THSD7A: variants seen among roughly 807,000 people sequenced by gnomAD.
THSD7A encodes thrombospondin type-1 domain-containing protein 7A.
A neutral mutation model predicts 231.3 loss-of-function variants in THSD7A; 96 were observed. The ratio of observed to expected loss-of-function variants is 0.41; its 90% confidence interval spans 0.35 to 0.49. The LOEUF (loss-of-function observed/expected upper bound fraction) is 0.49, where lower values mean the gene tolerates loss of function less well. Ranked by LOEUF, THSD7A falls within the 20% of genes least tolerant of loss-of-function variation. The pLI is 0.05. For missense variants in THSD7A, 2,290 were observed against 2,070.2 expected, an observed-to-expected ratio of 1.11 and a Z score of -2.06; for synonymous variants, 940 against 743.3, an observed-to-expected ratio of 1.26 and a Z score of -4.30.
At chr7:11,650,804 ATTTGTTTTGT>A (rs57303048) in intron 1 of THSD7A, among the ~76,000 whole-genome samples, 70 of 151,308 alleles carry the variant, frequency 4.6e-4, no homozygotes, top group Admixed American at 1.3e-3. Flanking sequence ...TGGTAGATGT[ATTTGTTTTGT>A]TTTGTTTTGT....
chr7:11,817,564 G>T (rs536495403), intron 1 of THSD7A, among the ~76,000 whole-genome samples: 5 of 152,098 alleles, frequency 3.3e-5, no homozygotes, highest in Admixed American at 6.5e-5. Context: ...AGGAATCAAA[G>T]TAAAAAAGGA....
rs553778950 is a variant in THSD7A, at chr7:11,374,405, T to C, written c.*1389A>G. 1.2e-4 allele frequency: 18 copies of C among 152,124 alleles called. 1 individual carries two copies. The highest frequency in any genetic ancestry group is 3.9e-4 in the African/African-American group (16 of 41,528). The allele number at this position is 152,124 out of a possible 1,614,324, so 9.4% of individuals were successfully genotyped here. On this transcript the variant is annotated 3_prime_UTR_variant, in exon 28 of 28. Coordinates refer to ENST00000423059, the MANE Select transcript of THSD7A (RefSeq NM_015204.3). Reference sequence around the variant, plus strand: ...AAAATTTTAGTTTTGAAATCATACATTGAAGAGAGAGATTGCTTCAAATTT... The same window carrying C: ...AAAATTTTAGTTTTGAAATCATACACTGAAGAGAGAGATTGCTTCAAATTT...
intron 1 of THSD7A, chr7:11,821,103 GT>G: frequency 7.6e-6 from 8 of 1,051,126 alleles, no homozygotes; most frequent in Admixed American, 1.8e-5. Context: ...CCTGTAACTT[GT>G]TTTTGGCTGC....
At chr7:11,490,812 G>A (rs73068794) in intron 6 of THSD7A, among the ~76,000 whole-genome samples, 25,025 of 151,978 alleles carry the variant, frequency 0.16, 2,195 homozygotes, top group African/African-American at 0.2. Context: ...GTGCCCTTGA[G>A]CAGATAATTT....
intron 2 of THSD7A, among the ~76,000 whole-genome samples, chr7:11,631,322 T>C (rs1781647251): frequency 6.6e-6 from 1 of 152,168 alleles, no homozygotes. Context: ...ATTTCCTTGA[T>C]TGGGGTTACT....
At chr7:11,736,287 A>G (rs1045028991) in intron 1 of THSD7A, among the ~76,000 whole-genome samples, 7 of 152,000 alleles carry the variant, frequency 4.6e-5, no homozygotes, top group African/African-American at 1.4e-4. Context: ...AATATTTTCT[A>G]TTTAGTAATA....
chr7:11,456,550 G>A (rs1785314107), intron 11 of THSD7A, among the ~76,000 whole-genome samples: 1 of 151,936 alleles, frequency 6.6e-6, no homozygotes, highest in African/African-American at 2.4e-5. Flanking sequence ...ATCCTATTGG[G>A]TAATGACTAT....
rs534469914 is a variant in THSD7A at position 11,789,370 on chromosome 7, A to G, written c.190+42387T>C. 1.2e-4 allele frequency among the ~76,000 whole-genome samples: 19 copies of G among 152,184 alleles called. No individual in the cohort carries two copies. In the East Asian group the frequency reaches 3.7e-3, roughly 29 times the overall value. ...ATATTTTAAGAAAGGGCGTGGCATG[A>G]TCATACTGACTGCTGTGCAGAGGGC... On this transcript the variant is annotated intron_variant, in intron 1 of 27. Transcript: ENST00000423059.
At chr7:11,518,328 G>T (rs10486139) in intron 6 of THSD7A, among the ~76,000 whole-genome samples, 1 of 152,098 alleles carries the variant, frequency 6.6e-6, no homozygotes, top group South Asian at 2.1e-4. Flanking sequence ...ACTAGGAAGC[G>T]TGAGAGACTG....
intron 4 of THSD7A, among the ~76,000 whole-genome samples, chr7:11,589,201 T>G (rs1190706676): frequency 6.6e-6 from 1 of 152,218 alleles, no homozygotes; most frequent in Non-Finnish European, 1.5e-5. Context: ...CCTTTATCCT[T>G]GTTCTTTTTC....
intron 1 of THSD7A, among the ~76,000 whole-genome samples, chr7:11,661,242 T>C (rs1782918319): frequency 6.6e-6 from 1 of 151,438 alleles, no homozygotes; most frequent in African/African-American, 2.4e-5. Flanking sequence ...GTGATCTCTC[T>C]CTAACCTAGC....
intron 6 of THSD7A, among the ~76,000 whole-genome samples, chr7:11,508,021 A>G (rs1787627938): frequency 6.6e-6 from 1 of 152,212 alleles, no homozygotes; most frequent in Non-Finnish European, 1.5e-5. Context: ...CATGTGTTAC[A>G]TGGTGGCAGG....
chr7:11,827,535 T>C (rs1785068356), intron 1 of THSD7A, among the ~76,000 whole-genome samples: 2 of 152,206 alleles, frequency 1.3e-5, no homozygotes, highest in South Asian at 4.1e-4. Flanking sequence ...GTACCTTTTC[T>C]GGCCATACTT....
At chr7:11,540,440 A>G (rs1177349174) in intron 6 of THSD7A, among the ~76,000 whole-genome samples, 1 of 152,218 alleles carries the variant, frequency 6.6e-6, no homozygotes, top group South Asian at 2.1e-4. Context: ...GGATGGAAAG[A>G]ATTATGACGG....
At chr7:11,682,094 A>T (rs1453165822) in intron 1 of THSD7A, among the ~76,000 whole-genome samples, 1 of 152,092 alleles carries the variant, frequency 6.6e-6, no homozygotes, top group African/African-American at 2.4e-5. Context: ...CCTATAAGAG[A>T]TGCTTAAGGG....
Position 11,590,363 on chromosome 7 carries a change from C to G in THSD7A, c.1453+97G>C, listed in dbSNP as rs141684046. 3.2e-4 allele frequency: 399 copies of G among 1,252,950 alleles called. 1 individual carries two copies. In the African/African-American group the frequency reaches 5.4e-3, roughly 17 times the overall value. The allele number at this position is 1,252,950 out of a possible 1,614,324, so 77.6% of individuals were successfully genotyped here. On this transcript the variant is annotated intron_variant, in intron 4 of 27. Transcript: ENST00000423059. The surrounding 1 kb of genome is among the most constrained non-coding windows in gnomAD (Gnocchi z 4.4). ...ACCACAATGTGAACAGAAATGCAGC[C>G]CTCATAACCTGGATGGCTGTGTATA...
intron 2 of THSD7A, among the ~76,000 whole-genome samples, chr7:11,601,671 C>T (rs919046790): frequency 5.9e-5 from 9 of 152,170 alleles, no homozygotes; most frequent in South Asian, 2.1e-4. Context: ...ACTACAATAA[C>T]GACAAATTCC....
At chr7:11,753,098 A>C (rs1433199054) in intron 1 of THSD7A, among the ~76,000 whole-genome samples, 2 of 152,164 alleles carry the variant, frequency 1.3e-5, no homozygotes, top group African/African-American at 4.8e-5. Context: ...TAAGAAACCA[A>C]ACATGGCTTT....
At position 11,411,287 on chromosome 7, in the gene THSD7A, A is replaced by G. The variant is rs1417529147; in HGVS notation, c.3718T>C (p.Cys1240Arg). 6.2e-7 allele frequency: 1 copy of G among 1,613,914 alleles called. No individual in the cohort carries two copies. Residue 1240 changes from cysteine to arginine, a missense_variant, in exon 19 of 28, where the codon TGT becomes CGT. Transcript: ENST00000423059. The surrounding 1 kb of genome is among the most constrained non-coding windows in gnomAD (Gnocchi z 4.1). ...STCQLSEKAV[C>R]GNGIKTRMLD... ...ATCCTTGTTTTTATTCCATTTCCAC[A>G]AACTGCCTTCTCACTCAGCTGACAT...
Sources: allele counts gnomAD v4.1 joint callset (sites outside exome capture counted in the v4.1 genomes callset), GRCh38; gene constraint gnomAD v4.1.1; non-coding constraint Gnocchi (gnomAD v3.1); transcripts MANE v1.5; gene names NCBI Gene and HGNC (gene_info 2026-07-23, HGNC 2026-07-21).